Variants in TEX101 observed in about 807,000 individuals in gnomAD.
The protein encoded by TEX101 is testis expressed 101.
TEX101 carries 10 observed loss-of-function variants against 18.1 expected under a neutral mutation model. That is an observed-to-expected ratio of 0.55 (90% CI 0.34 to 0.94). The LOEUF is 0.94. TEX101 is among the 40% of genes least tolerant of loss of function. The pLI is 0.02. For synonymous variants in TEX101, 94 were observed against 114.8 expected, an observed-to-expected ratio of 0.82 and a Z score of 1.16; for missense variants, 259 against 298.9, an observed-to-expected ratio of 0.87 and a Z score of 0.98.
upstream of TEX101, among the ~76,000 whole-genome samples, chr19:43,397,037 C>CCCTCCGTCTCT (rs756107610): frequency 1.3e-4 from 20 of 151,882 alleles, no homozygotes; most frequent in Non-Finnish European, 2.9e-4. Context: ...GGGGTTTCAC[C>CCCTCCGTCTCT]ATGTTAGCCA....
In TEX101 at chr19:43,416,113, T is replaced by C; in HGVS notation, c.79T>C (p.Tyr27His). 1 of 1,611,644 alleles carries C rather than the reference T, an allele frequency of 6.2e-7. No individual in the cohort carries two copies. The highest frequency in any genetic ancestry group is 2.2e-5 in the East Asian group (1 of 44,864). ...ASLLTSGLEL[Y>H]CQKGLSMTVE... ...TTTCTCCTCAGCGGGCCTAGAGCTG[T>C]ATTGTCAAAAGGGTCTGTCCATGAC... The change falls in exon 3 of 6, where the codon TAT becomes CAT. Residue 27 changes from tyrosine to histidine, a missense_variant. Transcript: ENST00000598265.
chr19:43,416,344 C>A (rs1213476625), intron 3 of TEX101, 29 bp from the exon 4 acceptor site: 1 of 1,599,486 alleles, frequency 6.3e-7, no homozygotes, highest in East Asian at 2.2e-5. Context: ...GGCCACCATC[C>A]ATTTCCCCTC....
chr19:43,406,971 C>T (rs1461370497), intron 3 of TEX101, among the ~76,000 whole-genome samples: 1 of 147,568 alleles, frequency 6.8e-6, no homozygotes, highest in Non-Finnish European at 1.5e-5. Context: ...TTCTGTGGCA[C>T]AGGCTGGAGT....
the TEX101 span, among the ~76,000 whole-genome samples, chr19:43,392,796 A>T: frequency 7.6e-3 from 1,158 of 152,222 alleles, 12 homozygotes; most frequent in African/African-American, 0.027. Context: ...GGTGGCTCAC[A>T]CCTGTAATCC....
upstream of TEX101, among the ~76,000 whole-genome samples, chr19:43,413,834 T>C (rs534803761): frequency 6.6e-6 from 1 of 151,930 alleles, no homozygotes; most frequent in Non-Finnish European, 1.5e-5. Context: ...GTGCCTGTAA[T>C]CCTAGCTGCT....
chr19:43,412,985 C>T (rs1381011530), upstream of TEX101, among the ~76,000 whole-genome samples: 1 of 152,080 alleles, frequency 6.6e-6, no homozygotes, highest in Admixed American at 6.6e-5. Flanking sequence ...GCCAGTCAAC[C>T]TTGGCACCAC....
At chr19:43,411,654 T>C (rs1293366201), upstream of TEX101, among the ~76,000 whole-genome samples, 1 of 151,988 alleles carries the variant, frequency 6.6e-6, no homozygotes, top group East Asian at 1.9e-4. Flanking sequence ...TTTTTTTTCT[T>C]TTTTTTTGAG....
the TEX101 span, among the ~76,000 whole-genome samples, chr19:43,392,490 T>G: frequency 6.6e-6 from 1 of 151,904 alleles, no homozygotes; most frequent in East Asian, 1.9e-4. Flanking sequence ...CTCACTTACC[T>G]CACCCTCATC....
At chr19:43,408,692 G>T (rs1191287909) in intron 3 of TEX101, among the ~76,000 whole-genome samples, 1 of 152,018 alleles carries the variant, frequency 6.6e-6, no homozygotes, top group Non-Finnish European at 1.5e-5. Flanking sequence ...GATCTGTGCA[G>T]ATCGAGGTCA....
chr19:43,414,680 C>T (rs1970452071), upstream of TEX101, among the ~76,000 whole-genome samples: 1 of 152,220 alleles, frequency 6.6e-6, no homozygotes, highest in Admixed American at 6.5e-5. Flanking sequence ...GTGCCTCTGG[C>T]TGCAAAAACA....
At chr19:43,409,611 A>G (rs575390408) in intron 3 of TEX101, among the ~76,000 whole-genome samples, 9 of 151,526 alleles carry the variant, frequency 5.9e-5, no homozygotes, top group African/African-American at 2.2e-4. Context: ...TTGAAGTACT[A>G]GTAAAAAAAA....
the TEX101 span, among the ~76,000 whole-genome samples, chr19:43,396,320 C>T: frequency 1.3e-5 from 2 of 152,196 alleles, no homozygotes; most frequent in Non-Finnish European, 2.9e-5. Flanking sequence ...AAATTTTAGT[C>T]GTGTTCCACT....
chr19:43,414,935 T>C lies in TEX101; in HGVS notation c.-143T>C. 1.0e-6 allele frequency: 1 copy of C among 985,422 alleles called. No individual in the cohort carries two copies. The highest frequency in any genetic ancestry group is 5.2e-4 in the Middle Eastern group (1 of 1,914). The allele number at this position is 985,422 out of a possible 1,614,324, so 61.0% of individuals were successfully genotyped here. On this transcript the variant is annotated 5_prime_UTR_variant, in exon 1 of 6. Transcript: ENST00000598265. Reference sequence around the variant, plus strand: ...GAGAAGGCGTTCCGGGCCTCAACTTTGGCGTCGTGAGATTCTTGTGAGGCG... The same window carrying C: ...GAGAAGGCGTTCCGGGCCTCAACTTCGGCGTCGTGAGATTCTTGTGAGGCG...
chr19:43,402,463 A>G (rs972718931), intron 1 of TEX101, among the ~76,000 whole-genome samples: 7 of 152,350 alleles, frequency 4.6e-5, no homozygotes, highest in African/African-American at 1.7e-4. Flanking sequence ...GTTTATAAGT[A>G]TCTTTTGTGC....
upstream of TEX101, among the ~76,000 whole-genome samples, chr19:43,412,323 A>G (rs1970426331): frequency 1.3e-5 from 2 of 151,950 alleles, no homozygotes; most frequent in Non-Finnish European, 2.9e-5. Flanking sequence ...TCTGGCAAGG[A>G]CTCACTCATC....
At chr19:43,396,260 G>A in the TEX101 span, among the ~76,000 whole-genome samples, 6 of 152,164 alleles carry the variant, frequency 3.9e-5, no homozygotes, top group Non-Finnish European at 8.8e-5. Flanking sequence ...TGCCTGGGGC[G>A]GCAGGGAAGG....
the TEX101 span, among the ~76,000 whole-genome samples, chr19:43,395,657 GGGTGT>G: frequency 6.6e-6 from 1 of 152,214 alleles, no homozygotes; most frequent in Non-Finnish European, 1.5e-5. Context: ...ACCCATAAGA[GGGTGT>G]GGTGACTCTG....
In TEX101 at chr19:43,418,539, C is replaced by T. The variant is rs1970508841; in HGVS notation, c.*142C>T. On this transcript the variant is annotated 3_prime_UTR_variant, in exon 6 of 6. Transcript: ENST00000598265. Reference sequence around the variant, plus strand: ...ATGAACGTATTTGACATTTTTAATACAATTTCTGCTATAATTTTTGTATGC... The same window carrying T: ...ATGAACGTATTTGACATTTTTAATATAATTTCTGCTATAATTTTTGTATGC... The T allele has an allele frequency of 1.2e-5, 8 of 681,788 alleles. No individual in the cohort carries two copies. The South Asian group carries it at 1.4e-4, about 12-fold the overall frequency. 42.2% of individuals were successfully genotyped at this position (681,788 alleles called of 1,614,324 possible). A position where few individuals can be genotyped will look rare whatever the true frequency, so the allele number is the denominator to read the frequency against.
At chr19:43,396,664 T>C (rs1056513741), upstream of TEX101, among the ~76,000 whole-genome samples, 56 of 152,204 alleles carry the variant, frequency 3.7e-4, no homozygotes, top group South Asian at 1.9e-3. Flanking sequence ...AGTTTTGTGC[T>C]GAGAGAGCAG....
Sources: allele counts gnomAD v4.1 joint callset (sites outside exome capture counted in the v4.1 genomes callset), GRCh38; gene constraint gnomAD v4.1.1; transcripts MANE v1.5; gene names NCBI Gene and HGNC (gene_info 2026-07-23, HGNC 2026-07-21).